ROBO2: variants seen among roughly 807,000 people sequenced by gnomAD.
The protein encoded by ROBO2 is roundabout guidance receptor 2.
A neutral mutation model predicts 160.8 loss-of-function variants in ROBO2; 53 were observed. The ratio of observed to expected loss-of-function variants is 0.33; its 90% confidence interval spans 0.26 to 0.41. The LOEUF is 0.41. ROBO2 is among the 10% of genes least tolerant of loss of function. The pLI is 1.00. For synonymous variants in ROBO2, 664 were observed against 611.7 expected (o/e 1.09, Z -1.26); for missense variants, 1,577 against 1,722.4 (o/e 0.92, Z 1.49).
At chr3:76,742,781 C>A (rs909495212) in intron 2 of ROBO2, among the ~76,000 whole-genome samples, 1 of 151,880 alleles carries the variant, frequency 6.6e-6, no homozygotes, top group Non-Finnish European at 1.5e-5. Context: ...GGAACACACA[C>A]ACCCACACAC....
chr3:77,591,879 G>T (rs2094188868), intron 17 of ROBO2, among the ~76,000 whole-genome samples: 1 of 152,112 alleles, frequency 6.6e-6, no homozygotes, highest in Admixed American at 6.5e-5. Flanking sequence ...AATTTGATTT[G>T]TATGTTCATC....
At chr3:77,592,608 G>A (rs1246430144) in intron 17 of ROBO2, among the ~76,000 whole-genome samples, 1 of 152,082 alleles carries the variant, frequency 6.6e-6, no homozygotes, top group South Asian at 2.1e-4. Context: ...CTGGAGTGCA[G>A]TGGCACGATC....
chr3:76,389,044 G>A (rs1000392689), intron 2 of ROBO2, among the ~76,000 whole-genome samples: 8 of 152,214 alleles, frequency 5.3e-5, no homozygotes, highest in African/African-American at 1.9e-4. Flanking sequence ...CATAGAAAAG[G>A]TTATTGCCCT....
chr3:76,487,041 C>G, intron 2 of ROBO2, among the ~76,000 whole-genome samples: 1 of 152,154 alleles, frequency 6.6e-6, no homozygotes, highest in East Asian at 1.9e-4. Context: ...ACAGTCATAG[C>G]TCATGACAGC....
rs970815047 is a variant in ROBO2 at position 77,640,212 on chromosome 3, C to T, written c.3935-4492C>T. On this transcript the variant is annotated intron_variant, in intron 24 of 25. Transcript: ENST00000461745. ...CTGCAAGATCCGCCTCCCGGGTTCA[C>T]GCCATTCTCCTGCCTCAGCCTCCCG... is the stretch of plus-strand genomic sequence containing the variant. 4.1e-5 allele frequency among the ~76,000 whole-genome samples: 6 copies of T among 146,200 alleles called. No homozygotes were observed. In the South Asian group the frequency reaches 6.5e-4, roughly 16 times the overall value.
intron 2 of ROBO2, among the ~76,000 whole-genome samples, chr3:76,221,875 C>T (rs987996032): frequency 6.6e-6 from 1 of 151,976 alleles, no homozygotes; most frequent in Non-Finnish European, 1.5e-5. Flanking sequence ...ATTGCACCCA[C>T]GGAAGACAAA....
intron 2 of ROBO2, among the ~76,000 whole-genome samples, chr3:77,455,032 A>G (rs17823689): frequency 0.08 from 12,161 of 152,256 alleles, 563 homozygotes; most frequent in African/African-American, 0.11. Flanking sequence ...TTGCTGATAT[A>G]AAGTAGATGT....
rs143251655 is a variant in ROBO2, at chr3:77,052,138, C to G, written c.61+11292C>G. Among the ~76,000 whole-genome samples the G allele has an allele frequency of 2.3e-3, 355 of 152,244 alleles. 2 individuals are homozygous for G. The highest frequency in any genetic ancestry group is 8.0e-3 in the African/African-American group (334 of 41,550). On this transcript the variant is annotated intron_variant, in intron 1 of 25. Coordinates refer to ENST00000461745, the Ensembl canonical transcript of ROBO2. ...GTGCACTGGTTTAGTCCCTTCTTAT[C>G]CAGCAGTAAAACTAAAGAGTGTATT...
chr3:76,454,612 G>A (rs1453695669), intron 2 of ROBO2, among the ~76,000 whole-genome samples: 1 of 152,082 alleles, frequency 6.6e-6, no homozygotes, highest in Non-Finnish European at 1.5e-5. Flanking sequence ...TTTCTTCATT[G>A]TAAAATGAGA....
At chr3:76,160,979 G>T (rs1375831295) in intron 2 of ROBO2, among the ~76,000 whole-genome samples, 1 of 152,094 alleles carries the variant, frequency 6.6e-6, no homozygotes, top group South Asian at 2.1e-4. Context: ...GTTTGAACCA[G>T]TCAGGCTACC....
Position 77,270,960 on chromosome 3 carries a change from A to C in ROBO2, c.388+172620A>C, listed in dbSNP as rs2059451080. Among the ~76,000 whole-genome samples, 6 of 145,014 alleles carry C rather than the reference A, an allele frequency of 4.1e-5. No homozygotes were observed. The South Asian group carries it at 1.3e-3, about 32-fold the overall frequency. ...TCTGTCTTTTTAAAAAAAAAAAAAA[A>C]CGGTTTCTATGTCATTGTTGAAAGT... On this transcript the variant is annotated intron_variant, in intron 2 of 25. Coordinates refer to ENST00000461745, the Ensembl canonical transcript of ROBO2.
intron 2 of ROBO2, among the ~76,000 whole-genome samples, chr3:77,135,207 A>G (rs1161997855): frequency 6.6e-6 from 1 of 152,132 alleles, no homozygotes; most frequent in Non-Finnish European, 1.5e-5. Context: ...AAGAAAACAG[A>G]TAGGTGGGAA....
At chr3:76,737,364 TC>T (rs1481639540) in intron 2 of ROBO2, among the ~76,000 whole-genome samples, 1 of 152,084 alleles carries the variant, frequency 6.6e-6, no homozygotes, top group Non-Finnish European at 1.5e-5. Context: ...TAAACATTCC[TC>T]CATGCTCAAA....
intron 2 of ROBO2, among the ~76,000 whole-genome samples, chr3:76,383,529 C>A (rs2076734907): frequency 6.6e-6 from 1 of 152,056 alleles, no homozygotes; most frequent in Non-Finnish European, 1.5e-5. Flanking sequence ...ATATGTTTTT[C>A]CTGATAAATA....
At chr3:77,399,965 A>T (rs1038926074) in intron 2 of ROBO2, among the ~76,000 whole-genome samples, 11 of 152,114 alleles carry the variant, frequency 7.2e-5, no homozygotes, top group African/African-American at 2.7e-4. Flanking sequence ...GCCTTGGGCT[A>T]GGTTAATCTG....
At chr3:76,228,431 G>T (rs1434537893) in intron 2 of ROBO2, among the ~76,000 whole-genome samples, 3 of 146,838 alleles carry the variant, frequency 2.0e-5, no homozygotes, top group Admixed American at 7.0e-5. Flanking sequence ...TTTTCCAAAA[G>T]ATCTGTACAA....
At chr3:76,914,520 C>T (rs2076191736) in intron 2 of ROBO2, among the ~76,000 whole-genome samples, 1 of 151,530 alleles carries the variant, frequency 6.6e-6, no homozygotes, top group Non-Finnish European at 1.5e-5. Flanking sequence ...CTAGTGTTGA[C>T]TTTTCTGAAG....
intron 2 of ROBO2, among the ~76,000 whole-genome samples, chr3:76,197,170 A>G (rs1702299338): frequency 6.7e-6 from 1 of 148,268 alleles, no homozygotes; most frequent in South Asian, 2.1e-4. Flanking sequence ...TTGGGGAGTG[A>G]TAATCCACTG....
intron 2 of ROBO2, among the ~76,000 whole-genome samples, chr3:76,381,485 GACTACA>G (rs2076618400): frequency 1.3e-5 from 2 of 151,976 alleles, no homozygotes; most frequent in Non-Finnish European, 2.9e-5. Flanking sequence ...GAGTAGCTGG[GACTACA>G]GACACGTGCC....
Sources: gnomAD v4.1 joint callset for allele counts (sites outside exome capture counted in the v4.1 genomes callset) on GRCh38, gnomAD v4.1.1 for gene constraint, MANE v1.5 for transcripts, NCBI Gene and HGNC (gene_info 2026-07-23, HGNC 2026-07-21) for gene names.